CNTNAP2: variants seen among roughly 807,000 people sequenced by gnomAD.
CNTNAP2 encodes the protein contactin-associated protein-like 2.
A neutral mutation model predicts 155.2 loss-of-function variants in CNTNAP2; 98 were observed. The ratio of observed to expected loss-of-function variants is 0.63; its 90% CI spans 0.54 to 0.75. The LOEUF (loss-of-function observed/expected upper bound fraction) is 0.75, where lower values mean the gene tolerates loss of function less well. CNTNAP2 is among the 30% of genes least tolerant of loss of function. The probability of loss-of-function intolerance (pLI) is 0.00; values close to 1 mark genes in which losing one functional copy is unlikely to be tolerated. For synonymous variants in CNTNAP2, 651 were observed against 631.2 expected (o/e 1.03, Z -0.47); for missense variants, 1,727 against 1,688.1 (o/e 1.02, Z -0.40).
At chr7:147,110,249 T>C (rs1204256892) in intron 5 of CNTNAP2, among the ~76,000 whole-genome samples, 2 of 152,136 alleles carry the variant, frequency 1.3e-5, no homozygotes, top group African/African-American at 4.8e-5. Context: ...ACAAGACCAA[T>C]GTATGTTTGT....
chr7:146,676,238 C>A (rs1240657708), intron 1 of CNTNAP2, among the ~76,000 whole-genome samples: 1 of 152,066 alleles, frequency 6.6e-6, no homozygotes, highest in Admixed American at 6.6e-5. Flanking sequence ...TATGCGAAAT[C>A]TAAACATTCA....
intron 3 of CNTNAP2, among the ~76,000 whole-genome samples, chr7:146,920,000 A>G (rs551179704): frequency 1.3e-5 from 2 of 152,286 alleles, no homozygotes; most frequent in East Asian, 1.9e-4. Context: ...TTCTGAGGAG[A>G]TGACAAACAT....
intron 9 of CNTNAP2, among the ~76,000 whole-genome samples, chr7:147,334,135 T>C (rs867046542): frequency 6.6e-6 from 1 of 152,214 alleles, no homozygotes; most frequent in South Asian, 2.1e-4. Context: ...ACTCTGGTCC[T>C]CTCAAAGCTA....
At chr7:146,744,251 A>AAAAAT (rs1801772088) in intron 1 of CNTNAP2, among the ~76,000 whole-genome samples, 1 of 144,660 alleles carries the variant, frequency 6.9e-6, no homozygotes, top group Admixed American at 6.8e-5. Context: ...AAAAAAAAAA[A>AAAAAT]GCATTTAGAT....
chr7:147,629,252 A>T (rs1267074611), intron 12 of CNTNAP2, among the ~76,000 whole-genome samples: 1 of 151,874 alleles, frequency 6.6e-6, no homozygotes, highest in Non-Finnish European at 1.5e-5. Flanking sequence ...AAATGCAAAA[A>T]ATTAGCCAAG....
intron 12 of CNTNAP2, among the ~76,000 whole-genome samples, chr7:147,576,859 C>T (rs1800405024): frequency 6.6e-6 from 1 of 151,998 alleles, no homozygotes; most frequent in African/African-American, 2.4e-5. Flanking sequence ...CTAGCCAACC[C>T]CCCTATGAAG....
intron 14 of CNTNAP2, among the ~76,000 whole-genome samples, chr7:147,936,462 T>G (rs1800610554): frequency 6.6e-6 from 1 of 152,128 alleles, no homozygotes; most frequent in African/African-American, 2.4e-5. Flanking sequence ...AGAGTATTTT[T>G]GTATCTAGCA....
At chr7:148,264,945 G>A (rs745565039) in intron 20 of CNTNAP2, among the ~76,000 whole-genome samples, 15 of 152,108 alleles carry the variant, frequency 9.9e-5, no homozygotes, top group Non-Finnish European at 1.5e-4. Flanking sequence ...CACCCACCTC[G>A]GCCTCCCAAA....
Position 147,043,337 on chromosome 7 carries a change from C to G in CNTNAP2, c.403-570C>G, listed in dbSNP as rs79730254. On this transcript the variant is annotated intron_variant, in intron 3 of 23. Transcript: ENST00000361727. ...AGATAAAAATTCATGGATAATTATT[C>G]TTTTGACAGAATCTTCTATAATGAA... 3.3e-3 allele frequency among the ~76,000 whole-genome samples: 505 copies of G among 152,130 alleles called. 2 individuals are homozygous for G. Among genetic ancestry groups the G allele is most frequent in the Admixed American group, 4.9e-3 (75 of 15,276 alleles).
At chr7:148,093,057 T>G (rs1019942567) in intron 15 of CNTNAP2, among the ~76,000 whole-genome samples, 25 of 151,968 alleles carry the variant, frequency 1.6e-4, no homozygotes, top group Non-Finnish European at 2.9e-4. Flanking sequence ...TTATAATATA[T>G]ATAGGGTTTA....
At chr7:146,265,241 T>A (rs961796941) in intron 1 of CNTNAP2, among the ~76,000 whole-genome samples, 11 of 152,160 alleles carry the variant, frequency 7.2e-5, no homozygotes, top group Non-Finnish European at 1.0e-4. Flanking sequence ...TACTATAGAT[T>A]ATTACCATTA....
chr7:146,585,924 G>A (rs1281756889), intron 1 of CNTNAP2, among the ~76,000 whole-genome samples: 1 of 152,056 alleles, frequency 6.6e-6, no homozygotes, highest in Non-Finnish European at 1.5e-5. Context: ...AGGATTACTT[G>A]TGCTTGAGAG....
intron 13 of CNTNAP2, among the ~76,000 whole-genome samples, chr7:147,840,564 A>G (rs1348076571): frequency 6.6e-6 from 1 of 152,138 alleles, no homozygotes; most frequent in African/African-American, 2.4e-5. Flanking sequence ...GGGAGTGTGG[A>G]ATTTCATCCT....
chr7:147,576,276 C>G (rs1051559495), intron 12 of CNTNAP2, among the ~76,000 whole-genome samples: 2 of 151,956 alleles, frequency 1.3e-5, no homozygotes, highest in African/African-American at 4.8e-5. Flanking sequence ...AGCTAAGTAG[C>G]CACCACCAAT....
At chr7:148,364,872 C>T (rs568692263) in intron 21 of CNTNAP2, among the ~76,000 whole-genome samples, 3 of 152,214 alleles carry the variant, frequency 2.0e-5, no homozygotes, top group Non-Finnish European at 2.9e-5. Flanking sequence ...AATCTTGCTA[C>T]TGCTCGCCCT....
intron 2 of CNTNAP2, among the ~76,000 whole-genome samples, chr7:146,831,588 A>T (rs1445977915): frequency 2.0e-5 from 3 of 148,870 alleles, no homozygotes; most frequent in Non-Finnish European, 4.4e-5. Context: ...AGGCAGGAGA[A>T]TCGCTTGAAC....
At chr7:147,968,032 G>A (rs1470317778) in intron 14 of CNTNAP2, among the ~76,000 whole-genome samples, 3 of 151,982 alleles carry the variant, frequency 2.0e-5, no homozygotes, top group South Asian at 2.1e-4. Context: ...TTAGAGCTGC[G>A]CCTAGTTAAC....
chr7:147,692,170 T>A (rs1796096539), intron 13 of CNTNAP2, among the ~76,000 whole-genome samples: 1 of 152,158 alleles, frequency 6.6e-6, no homozygotes, highest in Non-Finnish European at 1.5e-5. Flanking sequence ...GCTTCCTTTG[T>A]GTCTTTTCAA....
At chr7:146,975,095 A>C (rs1326318730) in intron 3 of CNTNAP2, among the ~76,000 whole-genome samples, 1 of 152,230 alleles carries the variant, frequency 6.6e-6, no homozygotes, top group African/African-American at 2.4e-5. Context: ...GATAGAACAG[A>C]AGTACATATT....
Sources: gnomAD v4.1 joint callset for allele counts (sites outside exome capture counted in the v4.1 genomes callset) on GRCh38, gnomAD v4.1.1 for gene constraint, MANE v1.5 for transcripts, NCBI Gene and HGNC (gene_info 2026-07-23, HGNC 2026-07-21) for gene names.